The following TSHZ2 variants were observed in gnomAD, a reference collection of about 807,000 sequenced individuals.
TSHZ2 encodes teashirt homolog 2.
In TSHZ2, 21 loss-of-function variants were observed where a neutral mutation model predicts 74.4. The ratio of observed to expected loss-of-function variants is 0.28; its 90% CI spans 0.20 to 0.41. The LOEUF is 0.41. Ranked by LOEUF, TSHZ2 falls within the 10% of genes least tolerant of loss-of-function variation. TSHZ2 has a pLI of 1.00. For missense variants in TSHZ2, 1,244 were observed against 1,293.5 expected, an observed-to-expected ratio of 0.96 and a Z score of 0.59; for synonymous variants, 540 against 515.3, an observed-to-expected ratio of 1.05 and a Z score of -0.65.
intron 1 of TSHZ2, among the ~76,000 whole-genome samples, chr20:53,026,932 G>A (rs1287689962): frequency 1.3e-5 from 2 of 151,476 alleles, no homozygotes; most frequent in Admixed American, 6.6e-5. Flanking sequence ...GAACCCAGGG[G>A]TTCATAAGTT....
chr20:53,479,021 C>T (rs1019202495), intron 2 of TSHZ2, among the ~76,000 whole-genome samples: 4 of 151,990 alleles, frequency 2.6e-5, no homozygotes, highest in Admixed American at 2.6e-4. Context: ...AAAAATTAGC[C>T]GGGTGTGGTG....
chr20:53,335,070 C>G (rs1009978989), intron 2 of TSHZ2, among the ~76,000 whole-genome samples: 1 of 152,212 alleles, frequency 6.6e-6, no homozygotes. Context: ...GAGGCTGTTG[C>G]AATAACCCAG....
intron 1 of TSHZ2, among the ~76,000 whole-genome samples, chr20:53,139,294 A>C (rs535746751): frequency 2.0e-5 from 3 of 152,336 alleles, no homozygotes; most frequent in African/African-American, 7.2e-5. Flanking sequence ...TCTGGTTTAT[A>C]GTAAGTACTT....
At chr20:53,390,960 C>T in intron 2 of TSHZ2, among the ~76,000 whole-genome samples, 1 of 152,172 alleles carries the variant, frequency 6.6e-6, no homozygotes, top group Admixed American at 6.5e-5. Context: ...GGCAACTACT[C>T]AGCTCTGATG....
At chr20:53,382,506 G>T (rs1753783357) in intron 2 of TSHZ2, among the ~76,000 whole-genome samples, 1 of 152,192 alleles carries the variant, frequency 6.6e-6, no homozygotes, top group South Asian at 2.1e-4. Flanking sequence ...CCCACCATAT[G>T]AGCCAATGCA....
intron 1 of TSHZ2, among the ~76,000 whole-genome samples, chr20:53,053,070 G>A (rs6123247): frequency 0.091 from 13,799 of 152,070 alleles, 1,701 homozygotes; most frequent in African/African-American, 0.28. Context: ...GGCAGCCTCC[G>A]GTACTGGTAG....
In TSHZ2 at chr20:53,254,158, A is replaced by G. The variant is rs368547077; in HGVS notation, c.700A>G (p.Met234Val). The G allele has an allele frequency of 2.5e-6, 4 of 1,614,176 alleles. No individual in the cohort carries two copies. The highest frequency in any genetic ancestry group is 3.4e-6 in the Non-Finnish European group (4 of 1,180,036). ...YDTLVELTVHMNETGHYQDDN... is the reference protein window; with the variant it reads ...YDTLVELTVHVNETGHYQDDN... ...CACCCTAGTCGAGCTGACTGTGCAC[A>G]TGAATGAAACGGGCCACTATCAAGA... Residue 234 changes from methionine (M) to valine (V), a missense_variant, in exon 2 of 3, where the codon ATG becomes GTG. Physicochemically the swap from Met to Val is conservative, Grantham distance 21 (BLOSUM62 1). Around this residue, in one of 6 missense-constraint regions of TSHZ2, gnomAD observed 470 missense variants for 456.5 expected, o/e 1.03. Transcript: ENST00000371497.
chr20:53,116,742 T>C (rs1394963570), intron 1 of TSHZ2, among the ~76,000 whole-genome samples: 1 of 152,150 alleles, frequency 6.6e-6, no homozygotes, highest in African/African-American at 2.4e-5. Context: ...GCCTCCCAAA[T>C]GTTTGTTTAG....
intron 2 of TSHZ2, among the ~76,000 whole-genome samples, chr20:53,411,834 A>C (rs961125436): frequency 1.3e-5 from 2 of 152,300 alleles, no homozygotes; most frequent in Admixed American, 6.5e-5. Flanking sequence ...GCCTCAAAAA[A>C]TAAAATAAAA....
At chr20:53,420,937 A>G (rs1433964787) in intron 2 of TSHZ2, among the ~76,000 whole-genome samples, 3 of 152,184 alleles carry the variant, frequency 2.0e-5, no homozygotes, top group Non-Finnish European at 4.4e-5. Context: ...ATATTTGACT[A>G]CACAGACATT....
chr20:53,155,052 AT>A (rs11475183), intron 1 of TSHZ2, among the ~76,000 whole-genome samples: 10,185 of 118,196 alleles, frequency 0.086, 305 homozygotes, highest in African/African-American at 0.19. Context: ...TTGAATATGC[AT>A]TTTTTTTTTT....
At chr20:53,428,856 C>T (rs1434120038) in intron 2 of TSHZ2, among the ~76,000 whole-genome samples, 1 of 152,120 alleles carries the variant, frequency 6.6e-6, no homozygotes, top group Non-Finnish European at 1.5e-5. Context: ...GGGAGGGAAA[C>T]TGTTGAGAAT....
chr20:53,240,799 T>C (rs1009372481), intron 1 of TSHZ2, among the ~76,000 whole-genome samples: 2 of 151,788 alleles, frequency 1.3e-5, no homozygotes, highest in African/African-American at 2.4e-5. Flanking sequence ...GTTTGACTTC[T>C]ATAAGTGTGG....
At chr20:53,037,397 T>G (rs2046727589) in intron 1 of TSHZ2, among the ~76,000 whole-genome samples, 1 of 152,238 alleles carries the variant, frequency 6.6e-6, no homozygotes, top group African/African-American at 2.4e-5. Flanking sequence ...CTCCTGCGAC[T>G]TAAAAGACTT....
chr20:53,276,732 G>A (rs1011407759), intron 2 of TSHZ2, among the ~76,000 whole-genome samples: 1 of 152,324 alleles, frequency 6.6e-6, no homozygotes, highest in South Asian at 2.1e-4. Flanking sequence ...AATAGGTCCA[G>A]GGTGGAGCGA....
At position 53,115,069 on chromosome 20, in the gene TSHZ2, C is replaced by T. The variant is rs115974071; in HGVS notation, c.41-138430C>T. Among the ~76,000 whole-genome samples the T allele has an allele frequency of 9.1e-3, 1,388 of 152,256 alleles. 17 individuals are homozygous for T. The highest frequency in any genetic ancestry group is 0.032 in the African/African-American group (1,320 of 41,536). On this transcript the variant is annotated intron_variant, in intron 1 of 2. Coordinates refer to ENST00000371497, the MANE Select transcript of TSHZ2 (RefSeq NM_173485.6). The stretch of plus-strand genomic sequence containing the variant: ...TTACGCATTTGGGTGGCCCCCTTAC[C>T]TTGTCAGGCTTCCTCATTTGTTCAT...
At chr20:53,212,485 C>T (rs1406218627) in intron 1 of TSHZ2, among the ~76,000 whole-genome samples, 2 of 152,152 alleles carry the variant, frequency 1.3e-5, no homozygotes, top group African/African-American at 2.4e-5. Flanking sequence ...GATGGACATT[C>T]GTTCTTGAGT....
Position 53,254,694 on chromosome 20 carries a change from C to T in TSHZ2, c.1236C>T (p.Ala412=), listed in dbSNP as rs768140108. The change falls in exon 2 of 3, where the codon GCC becomes GCT. Residue 412 remains alanine (A), a synonymous_variant. Coordinates refer to ENST00000371497, the MANE Select transcript of TSHZ2 (RefSeq NM_173485.6). ...TGHFLKVTSS[A]SKKGKQLVLD... ...ACTTTCTCAAGGTCACCAGCTCTGC[C>T]TCCAAGAAAGGGAAGCAGCTGGTAT... 6.2e-7 allele frequency: 1 copy of T among 1,614,190 alleles called. No homozygotes were observed. The highest frequency in any genetic ancestry group is 1.1e-5 in the South Asian group (1 of 91,080).
At chr20:53,164,090 A>G (rs1600719701) in intron 1 of TSHZ2, among the ~76,000 whole-genome samples, 1 of 151,920 alleles carries the variant, frequency 6.6e-6, no homozygotes, top group Admixed American at 6.5e-5. Context: ...TGTTTTTTGT[A>G]CTATAAACAC....
Sources: gnomAD v4.1 joint callset for allele counts (sites outside exome capture counted in the v4.1 genomes callset) on GRCh38, gnomAD v4.1.1 for gene constraint, gnomAD v4.1.1 regional missense constraint, MANE v1.5 for transcripts, NCBI Gene and HGNC (gene_info 2026-07-23, HGNC 2026-07-21) for gene names.